Variants in MGAT5B observed in about 807,000 individuals in gnomAD.
MGAT5B encodes N-acetylglucosaminyl-transferase Vb.
Under a neutral mutation model 95.1 loss-of-function variants are expected in MGAT5B, and 54 were observed. The ratio of observed to expected loss-of-function variants is 0.57; its 90% confidence interval spans 0.46 to 0.71. The LOEUF (loss-of-function observed/expected upper bound fraction) is 0.71. Among genes scored for constraint, MGAT5B ranks in the 30% least tolerant of loss-of-function variants. The pLI is 0.00. For missense variants in MGAT5B, 935 were observed against 1,088.6 expected, an observed-to-expected ratio of 0.86 and a Z score of 1.99; for synonymous variants, 464 against 451.0, an observed-to-expected ratio of 1.03 and a Z score of -0.36.
At chr17:76,946,726 C>T (rs927504447) in intron 16 of MGAT5B, among the ~76,000 whole-genome samples, 2 of 152,268 alleles carry the variant, frequency 1.3e-5, no homozygotes, top group African/African-American at 4.8e-5. Flanking sequence ...CAAAGACTTC[C>T]GTTCTTAGAA....
chr17:76,907,341 G>A (rs1259392574), intron 8 of MGAT5B, among the ~76,000 whole-genome samples: 3 of 152,156 alleles, frequency 2.0e-5, no homozygotes, highest in Non-Finnish European at 2.9e-5. Context: ...ATGAGCCACC[G>A]CACCCAGCCT....
rs568335611 is a variant in MGAT5B at position 76,932,417 on chromosome 17, AG to A, written c.1292-227del. ...CCAGAGTGTTGGGATTATAGGCGTG[AG>A]TCACCATGCCAGGCCTAGGTTTCCT... On this transcript the variant is annotated intron_variant, in intron 10 of 17. Transcript: ENST00000569840. Among the ~76,000 whole-genome samples, 310 of 152,172 alleles carry A rather than the reference AG, an allele frequency of 2.0e-3. 1 individual carries two copies. Among genetic ancestry groups the A allele is most frequent in the African/African-American group, 7.2e-3 (300 of 41,520 alleles).
At chr17:76,924,927 G>C (rs759255323) in intron 8 of MGAT5B, 39 bp from the exon 9 acceptor site, 2 of 1,610,100 alleles carry the variant, frequency 1.2e-6, no homozygotes, top group Non-Finnish European at 1.7e-6. Flanking sequence ...GGGCAGGTGG[G>C]TTTCTTGGGG....
chr17:76,872,223 C>T (rs1967035486), intron 1 of MGAT5B, among the ~76,000 whole-genome samples: 1 of 152,038 alleles, frequency 6.6e-6, no homozygotes, highest in Non-Finnish European at 1.5e-5. Context: ...TGTGGCTCTG[C>T]CCTGGACATC....
intron 8 of MGAT5B, among the ~76,000 whole-genome samples, chr17:76,919,428 T>C (rs540161877): frequency 6.6e-6 from 1 of 152,254 alleles, no homozygotes; most frequent in Non-Finnish European, 1.5e-5. Flanking sequence ...AAAAATTATT[T>C]TTAAATTATT....
Position 76,903,446 on chromosome 17 carries a change from C to A in MGAT5B, c.519+70C>A, listed in dbSNP as rs1430524600. ...TCTCTGTCTGGCCCTGGCCCCTCAC[C>A]CAGGCACAAGCTGGCAGAGGCCAAC... On this transcript the variant is annotated intron_variant, in intron 5 of 17. Transcript: ENST00000569840. 3.7e-6 allele frequency: 5 copies of A among 1,359,110 alleles called. No individual in the cohort carries two copies. In the East Asian group the frequency reaches 1.0e-4, roughly 28 times the overall value. 84.2% of individuals were successfully genotyped at this position (1,359,110 alleles called of 1,614,324 possible).
chr17:76,894,324 T>C (rs1967990737), intron 3 of MGAT5B, among the ~76,000 whole-genome samples: 1 of 152,240 alleles, frequency 6.6e-6, no homozygotes, highest in Non-Finnish European at 1.5e-5. Context: ...TCAGCCTTGC[T>C]GTGCCTTTGT....
At position 76,948,939 on chromosome 17, in the gene MGAT5B, A is replaced by C. The variant is rs1970122031; in HGVS notation, c.*101A>C. The C allele has an allele frequency of 3.9e-6, 5 of 1,292,464 alleles. No homozygotes were observed. The highest frequency in any genetic ancestry group is 2.9e-5 in the African/African-American group (2 of 67,976). The allele number at this position is 1,292,464 out of a possible 1,614,324, so 80.1% of individuals were successfully genotyped here. On this transcript the variant is annotated 3_prime_UTR_variant, in exon 18 of 18. Transcript: ENST00000569840. ...GCCCTGGCTGCTTGTCCTCCTCGCAACCCCCCCAGGCCGGAGCTTCCTTCC... is the reference window on the plus strand; with the variant it reads ...GCCCTGGCTGCTTGTCCTCCTCGCACCCCCCCCAGGCCGGAGCTTCCTTCC...
At chr17:76,894,655 A>C (rs917426651) in intron 3 of MGAT5B, among the ~76,000 whole-genome samples, 1 of 152,152 alleles carries the variant, frequency 6.6e-6, no homozygotes, top group South Asian at 2.1e-4. Context: ...GGAGTTCAAG[A>C]CCAGGCTGGC....
Position 76,912,231 on chromosome 17 carries a change from G to A in MGAT5B, c.1025+6044G>A, listed in dbSNP as rs564925008. Among the ~76,000 whole-genome samples, 4 of 152,250 alleles carry A rather than the reference G, an allele frequency of 2.6e-5. No homozygotes were observed. The highest frequency in any genetic ancestry group is 1.3e-4 in the Admixed American group (2 of 15,294). On this transcript the variant is annotated intron_variant, in intron 8 of 17. Transcript: ENST00000569840. This position sits in a 1 kb window ranked among gnomAD's most constrained non-coding sequence, Gnocchi z 5.0. ...AGGACTTCAATATGTCAATGTTGGG[G>A]GTGGAGGACACAATGTAAACCCATA... is the stretch of plus-strand genomic sequence containing the variant.
chr17:76,878,495 G>A (rs939608928), intron 2 of MGAT5B, among the ~76,000 whole-genome samples: 1 of 152,182 alleles, frequency 6.6e-6, no homozygotes, highest in Non-Finnish European at 1.5e-5. Context: ...GTTTGTTTGA[G>A]AGAGGGTCTC....
chr17:76,887,045 C>CAAAACGAAAAACAA (rs1555691507), intron 3 of MGAT5B, among the ~76,000 whole-genome samples: 2 of 151,334 alleles, frequency 1.3e-5, no homozygotes, highest in Non-Finnish European at 2.9e-5. Flanking sequence ...GTCTGTCTCA[C>CAAAACGAAAAACAA]AAAACAAAAA....
At chr17:76,899,488 T>G (rs1968226575) in intron 3 of MGAT5B, among the ~76,000 whole-genome samples, 1 of 151,936 alleles carries the variant, frequency 6.6e-6, no homozygotes, top group African/African-American at 2.4e-5. Flanking sequence ...TAAAAAAAAA[T>G]TAGCCGGACG....
chr17:76,904,102 C>A, intron 5 of MGAT5B, 150 bp from the exon 6 acceptor site: 1 of 782,074 alleles, frequency 1.3e-6, no homozygotes, highest in Non-Finnish European at 2.0e-6. Context: ...GGTTCAATCT[C>A]TTCTCTGCCC....
intron 10 of MGAT5B, among the ~76,000 whole-genome samples, chr17:76,932,081 C>G (rs961811639): frequency 1.0e-4 from 8 of 77,272 alleles, no homozygotes; most frequent in Admixed American, 7.7e-4. Flanking sequence ...CCTCCTCCTC[C>G]TCCTCCCCCC....
Position 76,940,498 on chromosome 17 carries a change from C to A in MGAT5B, c.1681C>A (p.His561Asn), listed in dbSNP as rs1159920232. ...IFLQSRFSPP[H>N]SSLNHEFFRG... ...CCTGCAGTCCCGCTTCAGCCCGCCC[C>A]ACAGCTCCCTCAACCACGAGTTCTT... The change falls in exon 14 of 18, where the codon CAC (histidine) becomes AAC (asparagine). Residue 561 changes from histidine (H) to asparagine (N), a missense_variant. Around this residue, in one of 4 missense-constraint regions of MGAT5B, gnomAD observed 440 missense variants for 523.6 expected, o/e 0.84. Coordinates refer to ENST00000569840, the MANE Select transcript of MGAT5B (RefSeq NM_001199172.2). This position sits in a 1 kb window ranked among gnomAD's most constrained non-coding sequence, Gnocchi z 4.3. 1.2e-6 allele frequency: 2 copies of A among 1,613,926 alleles called. No individual in the cohort carries two copies. Among genetic ancestry groups the A allele is most frequent in the Non-Finnish European group, 1.7e-6 (2 of 1,179,888 alleles).
intron 10 of MGAT5B, among the ~76,000 whole-genome samples, chr17:76,929,038 G>C (rs76547020): frequency 0.18 from 27,544 of 151,946 alleles, 2,789 homozygotes; most frequent in East Asian, 0.42. Flanking sequence ...GCTAATTTTT[G>C]TATTTTTAGT....
At position 76,904,272 on chromosome 17, in the gene MGAT5B, C is replaced by A; in HGVS notation, c.540C>A (p.Thr180=). Residue 180 remains threonine (T), a synonymous_variant, in exon 6 of 18, where the codon ACC becomes ACA. Transcript: ENST00000569840. The part of the protein sequence containing the change: ...GKVEWMRARW[T]SDPCYAFFGV... Reference sequence around the variant, plus strand: ...TGCAGTGGATGCGTGCCCGCTGGACCTCTGACCCCTGCTACGCCTTCTTTG... The same window carrying A: ...TGCAGTGGATGCGTGCCCGCTGGACATCTGACCCCTGCTACGCCTTCTTTG... The A allele has an allele frequency of 6.2e-7, 1 of 1,610,330 alleles. No individual in the cohort carries two copies. The highest frequency in any genetic ancestry group is 8.5e-7 in the Non-Finnish European group (1 of 1,178,862).
In MGAT5B at chr17:76,915,438, CG is replaced by C. The variant is rs1470952055; in HGVS notation, c.1025+9254del. On this transcript the variant is annotated intron_variant, in intron 8 of 17. Coordinates refer to ENST00000569840, the MANE Select transcript of MGAT5B (RefSeq NM_001199172.2). This position sits in a 1 kb window ranked among gnomAD's most constrained non-coding sequence, Gnocchi z 8.7. Reference sequence around the variant, plus strand: ...TTTCCCACAAGCCAGGTGGAGGCAGCGGGAGACGCGAGGAAGTGGACAAGAC... The same window carrying C: ...TTTCCCACAAGCCAGGTGGAGGCAGCGGAGACGCGAGGAAGTGGACAAGAC... Among the ~76,000 whole-genome samples the C allele has an allele frequency of 6.6e-6, 1 of 152,006 alleles. No homozygotes were observed. The highest frequency in any genetic ancestry group is 1.5e-5 in the Non-Finnish European group (1 of 68,014).
Sources: gnomAD v4.1 joint callset for allele counts (sites outside exome capture counted in the v4.1 genomes callset) on GRCh38, gnomAD v4.1.1 for gene constraint, gnomAD v4.1.1 regional missense constraint, Gnocchi (gnomAD v3.1) non-coding constraint, MANE v1.5 for transcripts, NCBI Gene and HGNC (gene_info 2026-07-23, HGNC 2026-07-21) for gene names.